MEMO1: variants seen among roughly 807,000 people sequenced by gnomAD.
MEMO1 encodes the protein protein MEMO1.
MEMO1 carries 6 observed loss-of-function variants against 45.2 expected under a neutral mutation model. The observed-to-expected ratio is 0.13, with a 90% CI of 0.07 to 0.26. MEMO1 has a LOEUF of 0.26. Ranked by LOEUF, MEMO1 falls within the 10% of genes least tolerant of loss-of-function variation. The pLI is 1.00. For synonymous variants in MEMO1, 78 were observed against 124.3 expected (o/e 0.63, Z 2.48); for missense variants, 184 against 370.5 (o/e 0.50, Z 4.13).
In MEMO1 at chr2:31,901,552, G is replaced by A. The variant is rs1678817436; in HGVS notation, c.438-9418C>T. On this transcript the variant is annotated intron_variant, in intron 6 of 9. Transcript: ENST00000404530. ...AGAAAGCAAATCAGTGGTTGTCTGA[G>A]ACTGAGAGTAAGAACAAGGATTGAC... Among the ~76,000 whole-genome samples, 4 of 152,122 alleles carry A rather than the reference G, an allele frequency of 2.6e-5. 1 individual carries two copies. In the South Asian group the frequency reaches 8.3e-4, roughly 32 times the overall value.
intron 2 of MEMO1, among the ~76,000 whole-genome samples, chr2:32,002,284 CAT>C (rs959200779): frequency 7.3e-6 from 1 of 137,770 alleles, no homozygotes; most frequent in African/African-American, 2.9e-5. Context: ...TATACATGTA[CAT>C]ATATACATAT....
chr2:31,917,412 T>C (rs1000419028), intron 6 of MEMO1, among the ~76,000 whole-genome samples: 4 of 152,172 alleles, frequency 2.6e-5, no homozygotes, highest in African/African-American at 9.7e-5. Flanking sequence ...ATATTGTCCC[T>C]GTCCTCGTTC....
At chr2:31,871,411 C>T (rs571414183) in intron 8 of MEMO1, among the ~76,000 whole-genome samples, 3 of 152,210 alleles carry the variant, frequency 2.0e-5, no homozygotes, top group Admixed American at 2.0e-4. Context: ...AGAAATTTTA[C>T]AGTGGCAGCA....
intron 4 of MEMO1, among the ~76,000 whole-genome samples, chr2:31,927,171 T>G (rs561641005): frequency 2.7e-3 from 413 of 152,052 alleles, no homozygotes; most frequent in Middle Eastern, 6.8e-3. Context: ...AATTCAAAAA[T>G]TAGCTGGGCA....
intron 2 of MEMO1, among the ~76,000 whole-genome samples, chr2:31,975,246 A>G (rs772275379): frequency 1.3e-5 from 2 of 152,230 alleles, no homozygotes; most frequent in Non-Finnish European, 2.9e-5. Flanking sequence ...CTAATGTAAA[A>G]GAATTATTTA....
At chr2:31,995,515 A>C (rs1672483011) in intron 2 of MEMO1, among the ~76,000 whole-genome samples, 1 of 152,188 alleles carries the variant, frequency 6.6e-6, no homozygotes, top group South Asian at 2.1e-4. Flanking sequence ...ATTTGATATA[A>C]AAGTTTCATT....
At chr2:31,874,856 T>C (rs1674331118) in intron 8 of MEMO1, among the ~76,000 whole-genome samples, 1 of 151,916 alleles carries the variant, frequency 6.6e-6, no homozygotes, top group Non-Finnish European at 1.5e-5. Context: ...CAAAAGTACA[T>C]TCACCATCTG....
At chr2:31,956,483 C>A (rs1205893291) in intron 2 of MEMO1, among the ~76,000 whole-genome samples, 5 of 152,304 alleles carry the variant, frequency 3.3e-5, no homozygotes, top group Admixed American at 2.6e-4. Flanking sequence ...TCTGTAAGAG[C>A]TTTCACTCAC....
chr2:31,931,880 A>G (rs1037098967), intron 4 of MEMO1, among the ~76,000 whole-genome samples, 187 bp downstream of exon 4: 5 of 152,202 alleles, frequency 3.3e-5, no homozygotes, highest in African/African-American at 9.6e-5. Context: ...CAAATGCTCC[A>G]ACAACAACAA....
intron 2 of MEMO1, among the ~76,000 whole-genome samples, chr2:31,993,897 T>C (rs1022243693): frequency 2.4e-4 from 36 of 147,110 alleles, no homozygotes; most frequent in East Asian, 8.1e-4. Flanking sequence ...AAATGATCCA[T>C]AAGTAATGCT....
intron 2 of MEMO1, among the ~76,000 whole-genome samples, chr2:32,004,349 A>G (rs1022895510): frequency 2.0e-5 from 3 of 152,214 alleles, no homozygotes; most frequent in Non-Finnish European, 2.9e-5. Flanking sequence ...AAAAAAGGGC[A>G]AAAGATTTAA....
intron 2 of MEMO1, among the ~76,000 whole-genome samples, chr2:31,982,348 T>C (rs1357380228): frequency 6.6e-6 from 1 of 150,574 alleles, no homozygotes; most frequent in Non-Finnish European, 1.5e-5. Context: ...TCCCAGCACT[T>C]TGGGAGGCCG....
intron 2 of MEMO1, among the ~76,000 whole-genome samples, chr2:31,969,397 G>GTATATACATATATACACGTA (rs1192551279): frequency 6.9e-6 from 1 of 145,870 alleles, no homozygotes; most frequent in African/African-American, 2.5e-5. Context: ...ATATATACGT[G>GTATATACATATATACACGTA]TATATACATA....
At chr2:31,893,415 C>A (rs1457110045) in intron 6 of MEMO1, 2 of 1,025,060 alleles carry the variant, frequency 2.0e-6, no homozygotes, top group Admixed American at 5.9e-5. Context: ...AACTCCCTGA[C>A]TGAATAGGGG....
chr2:31,978,920 C>T (rs774572438), intron 2 of MEMO1, among the ~76,000 whole-genome samples: 4 of 152,126 alleles, frequency 2.6e-5, no homozygotes, highest in Non-Finnish European at 5.9e-5. Context: ...TATGGAATCA[C>T]ATTTTCCCAG....
At chr2:31,890,130 G>A (rs1481199511) in intron 7 of MEMO1, among the ~76,000 whole-genome samples, 1 of 152,022 alleles carries the variant, frequency 6.6e-6, no homozygotes, top group Non-Finnish European at 1.5e-5. Flanking sequence ...TTATTAATGA[G>A]GTAAAAAGGA....
rs1558514444 is a variant in MEMO1 at position 31,933,356 on chromosome 2, TATA to T, written c.144-1224_144-1222del. ...AAAAAAAAAAAAAAAAAAATTTATA[TATA>T]TATATATATATATATATATATATAG... On this transcript the variant is annotated intron_variant, in intron 3 of 9. Transcript: ENST00000404530. Among the ~76,000 whole-genome samples the T allele has an allele frequency of 1.2e-3, 29 of 24,264 alleles. 1 individual carries two copies. Among genetic ancestry groups the T allele is most frequent in the African/African-American group, 3.3e-3 (26 of 7,806 alleles). The allele number at this position is 24,264 out of a possible 152,430, so 15.9% of individuals were successfully genotyped here. A position where few individuals can be genotyped will look rare whatever the true frequency, so the allele number is the denominator to read the frequency against.
Position 31,868,420 on chromosome 2 carries a change from A to G in MEMO1, c.835T>C (p.Cys279Arg). The change falls in exon 10 of 10, where the codon TGT becomes CGT. Residue 279 changes from cysteine (C) to arginine (R), a missense_variant. This residue lies in a region of MEMO1 where 97 missense variants were observed against 209.3 expected (regional missense o/e 0.46). Coordinates refer to ENST00000404530, the MANE Select transcript of MEMO1 (RefSeq NM_001301833.4). ...SFLNYAQSSQ[C>R]RNWQDSSVSY... ...ACTGAACTGTCTTGCCAGTTTCTAC[A>G]CTGGCTCGACTGGGCATAATTCAAA... The G allele has an allele frequency of 6.3e-7, 1 of 1,598,352 alleles. No homozygotes were observed. Among genetic ancestry groups the G allele is most frequent in the Non-Finnish European group, 8.5e-7 (1 of 1,172,972 alleles).
chr2:31,901,077 AT>A (rs1678715940), intron 6 of MEMO1, among the ~76,000 whole-genome samples: 1 of 152,324 alleles, frequency 6.6e-6, no homozygotes, highest in African/African-American at 2.4e-5. Flanking sequence ...TTATTTGGCA[AT>A]AAAAAAGAAT....
Sources: gnomAD v4.1 joint callset for allele counts (sites outside exome capture counted in the v4.1 genomes callset) on GRCh38, gnomAD v4.1.1 for gene constraint, gnomAD v4.1.1 regional missense constraint, MANE v1.5 for transcripts, NCBI Gene and HGNC (gene_info 2026-07-23, HGNC 2026-07-21) for gene names.